Variants in PCDHGA10 observed in about 807,000 individuals in gnomAD.
PCDHGA10 encodes protocadherin gamma subfamily A, 10, also known as protocadherin gamma-A10.
Under a neutral mutation model 59.5 loss-of-function variants are expected in PCDHGA10, and 42 were observed. The observed-to-expected ratio is 0.71, with a 90% CI of 0.55 to 0.91. PCDHGA10 has a LOEUF of 0.91. Ranked by LOEUF, PCDHGA10 falls within the 40% of genes least tolerant of loss-of-function variation. The pLI is 0.00. For synonymous variants in PCDHGA10, 511 were observed against 517.2 expected (o/e 0.99, Z 0.16); for missense variants, 1,111 against 1,198.2 (o/e 0.93, Z 1.07).
chr5:141,507,846 T>G (rs892503210), intron 3 of PCDHGA10, among the ~76,000 whole-genome samples: 1 of 152,134 alleles, frequency 6.6e-6, no homozygotes, highest in African/African-American at 2.4e-5. Context: ...CAGGCCCTGC[T>G]CTCACTTTCA....
chr5:141,472,980 C>CAAAAAAAAAAAAAAAAAAAAA (rs60579131), intron 1 of PCDHGA10, among the ~76,000 whole-genome samples: 3 of 86,094 alleles, frequency 3.5e-5, no homozygotes, highest in Non-Finnish European at 5.0e-5. Context: ...GAGTGAAACT[C>CAAAAAAAAAAAAAAAAAAAAA]AAAAAAAAAA....
At chr5:141,459,490 T>C (rs2098968649) in intron 1 of PCDHGA10, among the ~76,000 whole-genome samples, 1 of 152,236 alleles carries the variant, frequency 6.6e-6, no homozygotes, top group Non-Finnish European at 1.5e-5. Context: ...TATTCTGAAT[T>C]AAAGTGATGT....
rs1427881816 is a variant in PCDHGA10 at position 141,486,740 on chromosome 5, T to C, written c.2437-8067T>C. ...AGGAGCTGTTCATGCTACTCGATCC[T>C]TTGACTATGAGCAAACCCAGACACT... On this transcript the variant is annotated intron_variant, in intron 1 of 3. Coordinates refer to ENST00000398610, the MANE Select transcript of PCDHGA10 (RefSeq NM_018913.3). The surrounding 1 kb of genome is among the most constrained non-coding windows in gnomAD (Gnocchi z 5.0). 6.2e-7 allele frequency: 1 copy of C among 1,614,234 alleles called. No homozygotes were observed. Among genetic ancestry groups the C allele is most frequent in the Admixed American group, 1.7e-5 (1 of 60,026 alleles).
intron 1 of PCDHGA10, chr5:141,422,303 A>AAAAC: frequency 6.5e-7 from 1 of 1,548,740 alleles, no homozygotes; most frequent in Non-Finnish European, 8.7e-7. Flanking sequence ...TCAATTCTGG[A>AAAAC]AAACTCTCCT....
intron 1 of PCDHGA10, chr5:141,419,596 G>T: frequency 6.2e-7 from 1 of 1,611,682 alleles, no homozygotes; most frequent in Non-Finnish European, 8.5e-7. Flanking sequence ...ACACAGTGCC[G>T]CGGGCCGCGC....
At chr5:141,438,303 T>G (rs2097949191) in intron 1 of PCDHGA10, among the ~76,000 whole-genome samples, 1 of 152,068 alleles carries the variant, frequency 6.6e-6, no homozygotes, top group African/African-American at 2.4e-5. Flanking sequence ...TAAAAGAAGT[T>G]GGTACCACCA....
intron 1 of PCDHGA10, among the ~76,000 whole-genome samples, chr5:141,460,418 G>C (rs905215023): frequency 3.3e-5 from 5 of 152,096 alleles, no homozygotes; most frequent in Admixed American, 6.5e-5. Flanking sequence ...TGATGTTTAT[G>C]TATGGTGTAT....
chr5:141,425,217 T>G (rs565640413), intron 1 of PCDHGA10, among the ~76,000 whole-genome samples: 51 of 152,294 alleles, frequency 3.3e-4, no homozygotes, highest in Middle Eastern at 3.4e-3. Flanking sequence ...GCATTGTACT[T>G]TGACTGGAAT....
intron 1 of PCDHGA10, among the ~76,000 whole-genome samples, chr5:141,437,228 A>C (rs1410620126): frequency 6.6e-6 from 1 of 152,228 alleles, no homozygotes; most frequent in Non-Finnish European, 1.5e-5. Context: ...CCAGTCATAA[A>C]ATTATGTCAA....
chr5:141,492,558 G>A (rs879634396), intron 1 of PCDHGA10, among the ~76,000 whole-genome samples: 1 of 152,236 alleles, frequency 6.6e-6, no homozygotes, highest in South Asian at 2.1e-4. Context: ...CGCCTGGGGG[G>A]CGGCCTGAGC....
rs4912751 is a variant in PCDHGA10, at chr5:141,413,440, A to G, written c.265A>G (p.Ile89Val). Reference sequence around the variant, plus strand: ...TCTGAACCCGCGCAGCGGCAGCTTGATCACCGCGGGCAGGATAGACCGGGA... The same window carrying G: ...TCTGAACCCGCGCAGCGGCAGCTTGGTCACCGCGGGCAGGATAGACCGGGA... ...FSLNPRSGSL[I>V]TAGRIDREEL... is the part of the protein sequence containing the mutation. The change falls in exon 1 of 4, where the codon ATC becomes GTC. Residue 89 changes from isoleucine to valine, a missense_variant. By Grantham distance (29) the Ile-to-Val change is conservative. Transcript: ENST00000398610. 738,760 of 1,613,878 alleles carry G rather than the reference A, an allele frequency of 0.46. 177,316 individuals are homozygous for G. The highest frequency in any genetic ancestry group is 0.83 in the African/African-American group (62,480 of 75,020).
rs530139788 is a variant in PCDHGA10, at chr5:141,509,165, C to A, written c.2585-1782C>A. On this transcript the variant is annotated intron_variant, in intron 3 of 3. Coordinates refer to ENST00000398610, the MANE Select transcript of PCDHGA10 (RefSeq NM_018913.3). ...TCCCGGCTCTCCCCTCCCGTGTGCC[C>A]TCCTCCTCTTATGCCGGCTTGAAAA... Among the ~76,000 whole-genome samples the A allele has an allele frequency of 1.4e-4, 21 of 152,332 alleles. No individual in the cohort carries two copies. In the South Asian group the frequency reaches 4.1e-3, roughly 30 times the overall value.
At chr5:141,418,674 GCAT>G (rs1401114725) in intron 1 of PCDHGA10, 1 of 1,614,032 alleles carries the variant, frequency 6.2e-7, no homozygotes, top group Non-Finnish European at 8.5e-7. Flanking sequence ...CAGGACGAGG[GCAT>G]CAACTCAGAG....
chr5:141,477,378 C>A lies in PCDHGA10; in HGVS notation c.2437-17429C>A. On this transcript the variant is annotated intron_variant, in intron 1 of 3. Coordinates refer to ENST00000398610, the MANE Select transcript of PCDHGA10 (RefSeq NM_018913.3). This position sits in a 1 kb window ranked among gnomAD's most constrained non-coding sequence, Gnocchi z 4.9. ...GCAGACCTGGATCGGGAGACTGTGC[C>A]AGAATACAACCTCAGCATCACCGCC... 2 of 1,614,136 alleles carry A rather than the reference C, an allele frequency of 1.2e-6. No homozygotes were observed. Among genetic ancestry groups the A allele is most frequent in the Non-Finnish European group, 1.7e-6 (2 of 1,180,034 alleles).
chr5:141,460,224 T>C (rs986301555), intron 1 of PCDHGA10, among the ~76,000 whole-genome samples: 1 of 152,168 alleles, frequency 6.6e-6, no homozygotes, highest in African/African-American at 2.4e-5. Context: ...GTTGTGTCTT[T>C]TGAAGAGCAG....
At chr5:141,430,774 A>G (rs1269572813) in intron 1 of PCDHGA10, 11 of 1,508,872 alleles carry the variant, frequency 7.3e-6, no homozygotes, top group Non-Finnish European at 8.8e-7. Context: ...TTCCTGCGCG[A>G]CTGCACCGGG....
In PCDHGA10 at chr5:141,486,718, A is replaced by G; in HGVS notation, c.2437-8089A>G. 6.2e-7 allele frequency: 1 copy of G among 1,614,106 alleles called. No individual in the cohort carries two copies. The highest frequency in any genetic ancestry group is 1.7e-5 in the Admixed American group (1 of 60,022). On this transcript the variant is annotated intron_variant, in intron 1 of 3. Coordinates refer to ENST00000398610, the MANE Select transcript of PCDHGA10 (RefSeq NM_018913.3). This position sits in a 1 kb window ranked among gnomAD's most constrained non-coding sequence, Gnocchi z 5.0. Reference sequence around the variant, plus strand: ...TCATCTCTCTGAACCCCCAGACAGGAGCTGTTCATGCTACTCGATCCTTTG... The same window carrying G: ...TCATCTCTCTGAACCCCCAGACAGGGGCTGTTCATGCTACTCGATCCTTTG...
chr5:141,466,090 C>A (rs983505253), intron 1 of PCDHGA10, among the ~76,000 whole-genome samples: 2 of 152,068 alleles, frequency 1.3e-5, no homozygotes, highest in African/African-American at 4.8e-5. Context: ...CCACTGCACT[C>A]CAGCCTGGGC....
chr5:141,440,393 G>A (rs1444541990), intron 1 of PCDHGA10: 1 of 152,180 alleles, frequency 6.6e-6, no homozygotes, highest in Admixed American at 6.5e-5. Flanking sequence ...TTGAACCCGA[G>A]AGGCAATCGC....
Sources: allele counts gnomAD v4.1 joint callset (sites outside exome capture counted in the v4.1 genomes callset), GRCh38; gene constraint gnomAD v4.1.1; non-coding constraint Gnocchi (gnomAD v3.1); transcripts MANE v1.5; gene names NCBI Gene and HGNC (gene_info 2026-07-23, HGNC 2026-07-21).